APOD: variants seen among roughly 807,000 people sequenced by gnomAD.
APOD encodes apolipoprotein D, also known as apo-D.
Under a neutral mutation model 20.4 loss-of-function variants are expected in APOD, and 22 were observed. That is an observed-to-expected ratio of 1.08 (90% CI 0.77 to 1.54). The LOEUF (loss-of-function observed/expected upper bound fraction) is 1.54, where lower values mean the gene tolerates loss of function less well. Among genes scored for constraint, APOD ranks in the 40% most tolerant of loss-of-function variants. The pLI is 0.00. For synonymous variants in APOD, 97 were observed against 92.4 expected, an observed-to-expected ratio of 1.05 and a Z score of -0.29; for missense variants, 223 against 229.6, an observed-to-expected ratio of 0.97 and a Z score of 0.19.
At chr3:195,572,705 G>A (rs1027762651) in intron 3 of APOD, among the ~76,000 whole-genome samples, 1 of 152,138 alleles carries the variant, frequency 6.6e-6, no homozygotes, top group South Asian at 2.1e-4. Flanking sequence ...TAGAGCAGTC[G>A]TATGTGTTAG....
At chr3:195,582,917 A>G in intron 1 of APOD, 1 of 149,860 alleles carries the variant, frequency 6.7e-6, no homozygotes, top group Non-Finnish European at 1.5e-5. Flanking sequence ...TGGGTGACAG[A>G]GTGAGACTCC....
At position 195,579,498 on chromosome 3, in the gene APOD, G is replaced by C. The variant is rs113927301; in HGVS notation, c.-34-3C>G. The stretch of plus-strand genomic sequence containing the variant: ...GTGGCTGGAGAAGGGACCTGGAGCT[G>C]CGGGAACGCAAAGCAGCTGGGGTTG... On this transcript the variant is annotated splice_region_variant and splice_polypyrimidine_tract_variant and intron_variant, in intron 1 of 4. Transcript: ENST00000343267. The C allele has an allele frequency of 7.5e-6, 12 of 1,606,318 alleles. No homozygotes were observed. The African/African-American group carries it at 1.2e-4, about 16-fold the overall frequency.
At chr3:195,581,715 C>CA (rs1560047416) in intron 1 of APOD, among the ~76,000 whole-genome samples, 1 of 152,240 alleles carries the variant, frequency 6.6e-6, no homozygotes, top group Non-Finnish European at 1.5e-5. Context: ...CTCACCACCA[C>CA]ATGACACTGC....
intron 2 of APOD, 96 bp from the exon 3 acceptor site, chr3:195,574,067 A>T: frequency 6.6e-7 from 1 of 1,509,714 alleles, no homozygotes; most frequent in Non-Finnish European, 8.9e-7. Flanking sequence ...TGTCCTGGGG[A>T]AGCCAGACAA....
At chr3:195,579,259 AG>A in intron 2 of APOD, 79 bp downstream of exon 2, 2 of 1,577,164 alleles carry the variant, frequency 1.3e-6, no homozygotes, top group East Asian at 2.2e-5. Context: ...TGGAAATTAA[AG>A]CAGCATAATT....
At chr3:195,576,641 C>G (rs1720253065) in intron 2 of APOD, among the ~76,000 whole-genome samples, 1 of 151,872 alleles carries the variant, frequency 6.6e-6, no homozygotes, top group Non-Finnish European at 1.5e-5. Context: ...GAGGCCCCAT[C>G]TCTATAAAAA....
intron 4 of APOD, chr3:195,571,034 A>G: frequency 1.8e-6 from 1 of 545,062 alleles, no homozygotes; most frequent in Middle Eastern, 5.0e-4. Context: ...GTTATAGTAA[A>G]TTGCGGGGTC....
Position 195,568,771 on chromosome 3 carries a change from T to G in APOD, c.*129A>C. 2.9e-6 allele frequency: 2 copies of G among 678,318 alleles called. No individual in the cohort carries two copies. Among genetic ancestry groups the G allele is most frequent in the Non-Finnish European group, 5.2e-6 (2 of 382,888 alleles). The allele number at this position is 678,318 out of a possible 1,614,324, so 42.0% of individuals were successfully genotyped here. A position where few individuals can be genotyped will look rare whatever the true frequency, so the allele number is the denominator to read the frequency against. On this transcript the variant is annotated 3_prime_UTR_variant, in exon 5 of 5. Coordinates refer to ENST00000343267, the MANE Select transcript of APOD (RefSeq NM_001647.4). Reference sequence around the variant, plus strand: ...TTTTGCAGCTAGCAAGGTAACAGGGTAGGGCATGGTTACATGTTCAGGTCA... The same window carrying G: ...TTTTGCAGCTAGCAAGGTAACAGGGGAGGGCATGGTTACATGTTCAGGTCA...
At chr3:195,575,993 T>C (rs1720241856) in intron 2 of APOD, among the ~76,000 whole-genome samples, 1 of 152,202 alleles carries the variant, frequency 6.6e-6, no homozygotes, top group Non-Finnish European at 1.5e-5. Flanking sequence ...AAAGAGAGGA[T>C]GCTGCACACA....
rs1156713049 is a variant in APOD at position 195,571,458 on chromosome 3, T to C, written c.246-93A>G. On this transcript the variant is annotated intron_variant, in intron 3 of 4. Coordinates refer to ENST00000343267, the MANE Select transcript of APOD (RefSeq NM_001647.4). Reference sequence around the variant, plus strand: ...GCCAATAAGCAACGAAAGGCAAGATTTGTGCCACTAAGGACCGTGGCAGCC... The same window carrying C: ...GCCAATAAGCAACGAAAGGCAAGATCTGTGCCACTAAGGACCGTGGCAGCC... 5.9e-6 allele frequency: 7 copies of C among 1,193,554 alleles called. No homozygotes were observed. The East Asian group carries it at 1.6e-4, about 28-fold the overall frequency. The allele number at this position is 1,193,554 out of a possible 1,614,324, so 73.9% of individuals were successfully genotyped here.
At chr3:195,581,829 A>G (rs1339930577) in intron 1 of APOD, among the ~76,000 whole-genome samples, 1 of 152,046 alleles carries the variant, frequency 6.6e-6, no homozygotes, top group Non-Finnish European at 1.5e-5. Flanking sequence ...CCTTTGACTG[A>G]CCCTCTTCCA....
rs747815113 is a variant in APOD, at chr3:195,569,128, T to C, written c.342A>G (p.Pro114=). The C allele has an allele frequency of 3.7e-6, 6 of 1,613,684 alleles. No homozygotes were observed. Among genetic ancestry groups the C allele is most frequent in the South Asian group, 1.1e-5 (1 of 91,072 alleles). Residue 114 remains proline (P), a synonymous_variant, in exon 5 of 5, where the codon CCA becomes CCG. Transcript: ENST00000343267. The part of the protein sequence containing the change: ...KLEVKFSWFM[P]SAPYWILATD... Reference sequence around the variant, plus strand: ...TGGCCAGGATCCAGTACGGTGCCGATGGCATAACTGAGAACCAGAGAGAGG... The same window carrying C: ...TGGCCAGGATCCAGTACGGTGCCGACGGCATAACTGAGAACCAGAGAGAGG...
At chr3:195,573,579 G>A (rs1720201131) in intron 3 of APOD, among the ~76,000 whole-genome samples, 1 of 152,212 alleles carries the variant, frequency 6.6e-6, no homozygotes, top group Non-Finnish European at 1.5e-5. Flanking sequence ...CAGAAGAGAT[G>A]GTCTTGATGT....
At chr3:195,583,778 G>A (rs1209857681) in intron 1 of APOD, 100 bp downstream of exon 1, 1 of 152,162 alleles carries the variant, frequency 6.6e-6, no homozygotes, top group African/African-American at 2.4e-5. Flanking sequence ...CTCAATCAGT[G>A]GTAGTTATAT....
chr3:195,576,231 A>G (rs1237484406), intron 2 of APOD, among the ~76,000 whole-genome samples: 2 of 152,224 alleles, frequency 1.3e-5, no homozygotes, highest in African/African-American at 2.4e-5. Flanking sequence ...TGTTAAAGTG[A>G]GTTTAGTGCC....
chr3:195,570,979 C>G, intron 4 of APOD: 1 of 417,654 alleles, frequency 2.4e-6, no homozygotes, highest in Non-Finnish European at 4.4e-6. Flanking sequence ...GCAGCCCACA[C>G]CCGGTGTGCA....
At chr3:195,569,794 T>G (rs1577601491) in intron 4 of APOD, among the ~76,000 whole-genome samples, 2 of 124,948 alleles carry the variant, frequency 1.6e-5, no homozygotes, top group African/African-American at 6.2e-5. Flanking sequence ...TCGTTTTTTT[T>G]TTTTTTTTTT....
Position 195,573,966 on chromosome 3 carries a change from G to A in APOD, c.129C>T (p.Leu43=), listed in dbSNP as rs367853443. The A allele has an allele frequency of 3.7e-5, 60 of 1,614,036 alleles. No individual in the cohort carries two copies. Among genetic ancestry groups the A allele is most frequent in the African/African-American group, 1.5e-4 (11 of 75,034 alleles). ...TCTTCTCAATTTCGTACCATCTTCC[G>A]AGATACTGCAGAGACAACAAGCAGA... is the stretch of plus-strand genomic sequence containing the variant. The part of the protein sequence containing the change: ...VQENFDVNKY[L]GRWYEIEKIP... The change falls in exon 3 of 5, where the codon CTC becomes CTT. Residue 43 remains leucine, a synonymous_variant. Coordinates refer to ENST00000343267, the MANE Select transcript of APOD (RefSeq NM_001647.4).
At position 195,571,365 on chromosome 3, in the gene APOD, T is replaced by C. The variant is rs1720156325; in HGVS notation, c.246A>G (p.Arg82=). The C allele has an allele frequency of 6.2e-7, 1 of 1,606,118 alleles. No individual in the cohort carries two copies. Among genetic ancestry groups the C allele is most frequent in the South Asian group, 1.1e-5 (1 of 89,874 alleles). ...GKIKVLNQEL[R]ADGTVNQIEG... ...CGATTTGATTCACAGTTCCATCAGCTCTGCAGTGAGTTAAAAAAAGAAAAA... is the reference window on the plus strand; with the variant it reads ...CGATTTGATTCACAGTTCCATCAGCCCTGCAGTGAGTTAAAAAAAGAAAAA... The change falls in exon 4 of 5, where the codon AGA becomes AGG. Residue 82 remains arginine (R), a splice_region_variant and synonymous_variant. Transcript: ENST00000343267.
Sources: gnomAD v4.1 joint callset for allele counts (sites outside exome capture counted in the v4.1 genomes callset) on GRCh38, gnomAD v4.1.1 for gene constraint, MANE v1.5 for transcripts, NCBI Gene and HGNC (gene_info 2026-07-23, HGNC 2026-07-21) for gene names.